NEK10: variants seen among roughly 807,000 people sequenced by gnomAD.
The protein encoded by NEK10 is NIMA related kinase 10.
NEK10 carries 122 observed loss-of-function variants against 159.8 expected under a neutral mutation model. That is an observed-to-expected ratio of 0.76 (90% CI 0.66 to 0.89). The LOEUF (loss-of-function observed/expected upper bound fraction) is 0.89, where lower values mean the gene tolerates loss of function less well. Ranked by LOEUF, NEK10 falls within the 40% of genes least tolerant of loss-of-function variation. The pLI, the probability that NEK10 is intolerant of heterozygous loss-of-function variation, is 0.00. For missense variants in NEK10, 1,342 were observed against 1,323.1 expected, an observed-to-expected ratio of 1.01 and a Z score of -0.22; for synonymous variants, 466 against 457.1, an observed-to-expected ratio of 1.02 and a Z score of -0.25.
At chr3:27,151,900 C>G (rs1944914294) in intron 30 of NEK10, among the ~76,000 whole-genome samples, 1 of 151,986 alleles carries the variant, frequency 6.6e-6, no homozygotes. Context: ...ACAAGTAGAG[C>G]TCAAAGACGA....
intron 32 of NEK10, among the ~76,000 whole-genome samples, chr3:27,128,816 C>T (rs1942278703): frequency 6.6e-6 from 1 of 152,088 alleles, no homozygotes; most frequent in African/African-American, 2.4e-5. Context: ...ACTTACTATG[C>T]TATCTGTATG....
intron 32 of NEK10, among the ~76,000 whole-genome samples, chr3:27,128,586 A>G (rs899311502): frequency 1.3e-5 from 2 of 152,160 alleles, no homozygotes; most frequent in African/African-American, 4.8e-5. Flanking sequence ...AACAATTTTC[A>G]ATATAATAAG....
At chr3:27,303,736 G>A (rs1257393419) in intron 12 of NEK10, among the ~76,000 whole-genome samples, 1 of 152,226 alleles carries the variant, frequency 6.6e-6, no homozygotes, top group Non-Finnish European at 1.5e-5. Context: ...AGAAAATGAA[G>A]TTGGTAACAC....
chr3:27,179,828 C>A (rs1947890096), intron 26 of NEK10, among the ~76,000 whole-genome samples: 1 of 152,176 alleles, frequency 6.6e-6, no homozygotes, highest in Admixed American at 6.5e-5. Context: ...CACCTGTAAT[C>A]CTAGCACTTC....
chr3:27,189,085 C>A (rs570272881), intron 26 of NEK10, among the ~76,000 whole-genome samples: 3 of 152,172 alleles, frequency 2.0e-5, no homozygotes, highest in African/African-American at 7.2e-5. Context: ...TCTTATCATT[C>A]TCAACTCTAT....
At position 27,202,503 on chromosome 3, in the gene NEK10, T is replaced by C. The variant is rs1317183017; in HGVS notation, c.2145A>G (p.Val715=). ...PYGEKADVWA[V]GCILYQMATL... The stretch of plus-strand genomic sequence containing the variant: ...TCGCCATCTGATAAAGGATGCAGCC[T>C]ACTGCCCAGACATCAGCCTTCTCCC... Residue 715 remains valine (V), a synonymous_variant, in exon 24 of 36, where the codon GTA becomes GTG. Transcript: ENST00000691995. 1.2e-6 allele frequency: 2 copies of C among 1,613,204 alleles called. No individual in the cohort carries two copies. The highest frequency in any genetic ancestry group is 8.5e-7 in the Non-Finnish European group (1 of 1,179,510).
At position 27,282,538 on chromosome 3, in the gene NEK10, T is replaced by TTATATATATATA. The variant is rs10525422; in HGVS notation, c.2014+2052_2014+2063dup. 3.6e-3 allele frequency among the ~76,000 whole-genome samples: 152 copies of TTATATATATATA among 42,096 alleles called. 30 individuals are homozygous for TTATATATATATA. The highest frequency in any genetic ancestry group is 0.012 in the African/African-American group (138 of 11,492). 27.6% of individuals were successfully genotyped at this position (42,096 alleles called of 152,430 possible). A position where few individuals can be genotyped will look rare whatever the true frequency, so the allele number is the denominator to read the frequency against. On this transcript the variant is annotated intron_variant, in intron 22 of 35. Coordinates refer to ENST00000691995, the MANE Select transcript of NEK10 (RefSeq NM_001394966.1). Reference sequence around the variant, plus strand: ...TCTGTTGTATATATACATAAATGTGTTATATATATATATATATATATACAT... The same window carrying TTATATATATATA: ...TCTGTTGTATATATACATAAATGTGTTATATATATATATATATATATATATATATATATACAT...
chr3:27,252,248 T>G (rs1014627267), intron 23 of NEK10: 1 of 497,738 alleles, frequency 2.0e-6, no homozygotes. Flanking sequence ...TAAAGCAGTC[T>G]GAAGGGAGGT....
chr3:27,255,845 G>A (rs1263776772), intron 23 of NEK10, among the ~76,000 whole-genome samples: 1 of 152,130 alleles, frequency 6.6e-6, no homozygotes, highest in East Asian at 1.9e-4. Context: ...TTATTTGCCA[G>A]ATACTAGGAT....
chr3:27,250,260 C>T (rs891023830), intron 23 of NEK10, among the ~76,000 whole-genome samples: 9 of 151,896 alleles, frequency 5.9e-5, no homozygotes, highest in African/African-American at 2.2e-4. Context: ...GATCTCCACT[C>T]ACTGCAAGCA....
At chr3:27,160,671 C>T (rs1303174601) in intron 30 of NEK10, among the ~76,000 whole-genome samples, 5 of 151,962 alleles carry the variant, frequency 3.3e-5, no homozygotes, top group East Asian at 1.9e-4. Flanking sequence ...TTTGGGAGGC[C>T]GAGGTGGGCA....
At chr3:27,363,346 C>T (rs1313106104) in intron 1 of NEK10, among the ~76,000 whole-genome samples, 1 of 152,178 alleles carries the variant, frequency 6.6e-6, no homozygotes, top group Non-Finnish European at 1.5e-5. Flanking sequence ...TTACTGTAAA[C>T]TAGTCAAGCA....
At chr3:27,251,229 G>A (rs1166243595) in intron 23 of NEK10, among the ~76,000 whole-genome samples, 1 of 152,212 alleles carries the variant, frequency 6.6e-6, no homozygotes, top group African/African-American at 2.4e-5. Flanking sequence ...TGATTCTAGA[G>A]TTTGTGCTCT....
At chr3:27,177,944 C>G (rs73821919) in intron 26 of NEK10, among the ~76,000 whole-genome samples, 1,621 of 152,182 alleles carry the variant, frequency 0.011, 34 homozygotes, top group African/African-American at 0.037. Flanking sequence ...TTTCTAATTA[C>G]TAAGATTTTT....
chr3:27,121,821 G>A lies in NEK10; in HGVS notation c.3082-1953C>T, dbSNP rs1312547429. ...GAGATGTAATGTGGCCGTACAAAGG[G>A]GTCTTCTGCAGAGCTAGAAATATTC... On this transcript the variant is annotated intron_variant, in intron 32 of 35. Transcript: ENST00000691995. Among the ~76,000 whole-genome samples the A allele has an allele frequency of 2.0e-5, 3 of 152,030 alleles. No individual in the cohort carries two copies. The South Asian group carries it at 6.2e-4, about 32-fold the overall frequency.
Position 27,230,502 on chromosome 3 carries a change from A to G in NEK10, c.2090+25794T>C, listed in dbSNP as rs539469668. The stretch of plus-strand genomic sequence containing the variant: ...AGGTAACAAGTAACATGATGAATAG[A>G]ATAGTACCTCACATCTCAGTATTAA... On this transcript the variant is annotated intron_variant, in intron 23 of 35. Coordinates refer to ENST00000691995, the MANE Select transcript of NEK10 (RefSeq NM_001394966.1). Among the ~76,000 whole-genome samples, 15 of 152,184 alleles carry G rather than the reference A, an allele frequency of 9.9e-5. No homozygotes were observed. The South Asian group carries it at 2.9e-3, about 29-fold the overall frequency.
At chr3:27,300,431 C>G (rs975235945) in intron 13 of NEK10, among the ~76,000 whole-genome samples, 10 of 152,096 alleles carry the variant, frequency 6.6e-5, no homozygotes, top group African/African-American at 2.4e-4. Context: ...AAACCTCTTT[C>G]TTTTGTAAAT....
At chr3:27,299,075 T>C (rs2043594383) in intron 13 of NEK10, among the ~76,000 whole-genome samples, 1 of 152,208 alleles carries the variant, frequency 6.6e-6, no homozygotes, top group Non-Finnish European at 1.5e-5. Context: ...AGCCAAATGT[T>C]AACCCCCAAA....
At chr3:27,256,460 C>T in intron 22 of NEK10, 89 bp from the exon 23 acceptor site, 1 of 574,624 alleles carries the variant, frequency 1.7e-6, no homozygotes, top group Non-Finnish European at 2.9e-6. Flanking sequence ...ACAATAACTA[C>T]TACACTTCAT....
Sources: gnomAD v4.1 joint callset for allele counts (sites outside exome capture counted in the v4.1 genomes callset) on GRCh38, gnomAD v4.1.1 for gene constraint, MANE v1.5 for transcripts, NCBI Gene and HGNC (gene_info 2026-07-23, HGNC 2026-07-21) for gene names.